RGS6: variants seen among roughly 807,000 people sequenced by gnomAD.
The protein encoded by RGS6 is regulator of G-protein signaling 6.
RGS6 carries 30 observed loss-of-function variants against 78.5 expected under a neutral mutation model. The observed-to-expected ratio is 0.38, with a 90% CI of 0.29 to 0.52. The LOEUF is 0.52. RGS6 is among the 20% of genes least tolerant of loss of function. RGS6 has a pLI of 0.85. For missense variants in RGS6, 495 were observed against 609.7 expected (o/e 0.81, Z 1.98); for synonymous variants, 206 against 206.0 (o/e 1.00, Z 0.00).
intron 2 of RGS6, among the ~76,000 whole-genome samples, chr14:72,311,184 C>A (rs2152460383): frequency 6.6e-6 from 1 of 152,326 alleles, no homozygotes; most frequent in Non-Finnish European, 1.5e-5. Flanking sequence ...AAAGGAAAGG[C>A]CCTTTGCTTC....
chr14:71,885,566 G>A, the RGS6 span, among the ~76,000 whole-genome samples: 480 of 152,324 alleles, frequency 3.2e-3, 4 homozygotes, highest in African/African-American at 0.011. Context: ...GTTCTCCTAG[G>A]ATGTGATGAG....
intron 15 of RGS6, among the ~76,000 whole-genome samples, chr14:72,520,694 G>C (rs1468279983): frequency 6.6e-6 from 1 of 152,144 alleles, no homozygotes; most frequent in East Asian, 1.9e-4. Flanking sequence ...CAAAATGAGT[G>C]GTTTGCTATT....
intron 2 of RGS6, among the ~76,000 whole-genome samples, chr14:72,336,940 C>G (rs574752159): frequency 6.6e-6 from 1 of 152,194 alleles, no homozygotes; most frequent in South Asian, 2.1e-4. Flanking sequence ...GGACATCAGT[C>G]ATTTTGGATT....
At chr14:72,479,823 A>G (rs1432051802) in intron 12 of RGS6, among the ~76,000 whole-genome samples, 1 of 152,190 alleles carries the variant, frequency 6.6e-6, no homozygotes, top group Admixed American at 6.5e-5. Flanking sequence ...TCTTGGTGTC[A>G]TCCATGGCCT....
intron 2 of RGS6, among the ~76,000 whole-genome samples, chr14:72,047,898 G>GTT (rs869098348): frequency 2.4e-3 from 72 of 29,632 alleles, no homozygotes; most frequent in Admixed American, 6.1e-3. Flanking sequence ...GCTAATTTTT[G>GTT]TTTTTTTTTT....
At chr14:72,248,557 A>G (rs1339615465) in intron 2 of RGS6, among the ~76,000 whole-genome samples, 1 of 152,232 alleles carries the variant, frequency 6.6e-6, no homozygotes, top group Non-Finnish European at 1.5e-5. Context: ...GTAAAGACCA[A>G]AAAGTTTGAG....
intron 3 of RGS6, among the ~76,000 whole-genome samples, chr14:72,440,291 G>C (rs1187345344): frequency 6.6e-6 from 1 of 152,124 alleles, no homozygotes; most frequent in Non-Finnish European, 1.5e-5. Flanking sequence ...CCTCCCCTGG[G>C]CTCTGCGCTC....
intron 2 of RGS6, among the ~76,000 whole-genome samples, chr14:72,094,233 T>C (rs2190632): frequency 0.22 from 33,008 of 152,240 alleles, 4,543 homozygotes; most frequent in East Asian, 0.38. Flanking sequence ...AGCTCTCATG[T>C]AGATGCTGTG....
chr14:72,470,586 G>A lies in RGS6; in HGVS notation c.536+503G>A, dbSNP rs1002371551. On this transcript the variant is annotated intron_variant, in intron 8 of 17. Transcript: ENST00000553525. ...TATCAGATTATTACATTAATTAAAA[G>A]CAAGAGTAAGGCTGGGCATGGTGGC... Among the ~76,000 whole-genome samples, 11 of 152,232 alleles carry A rather than the reference G, an allele frequency of 7.2e-5. No homozygotes were observed. In the South Asian group the frequency reaches 1.2e-3, roughly 17 times the overall value.
chr14:72,595,737 G>T, the RGS6 span, among the ~76,000 whole-genome samples: 1 of 152,164 alleles, frequency 6.6e-6, no homozygotes, highest in Non-Finnish European at 1.5e-5. Flanking sequence ...TTCTTTAAAG[G>T]TTACTCTGGT....
chr14:72,204,104 A>C (rs2042197495), intron 2 of RGS6, among the ~76,000 whole-genome samples: 2 of 152,100 alleles, frequency 1.3e-5, no homozygotes, highest in South Asian at 2.1e-4. Context: ...GGTTACAGGC[A>C]TGAGCCACCA....
chr14:72,395,973 A>T (rs1004863570), intron 3 of RGS6, among the ~76,000 whole-genome samples: 16 of 152,122 alleles, frequency 1.1e-4, no homozygotes, highest in African/African-American at 3.9e-4. Flanking sequence ...TGCTATTGTG[A>T]ATAGTGCCGC....
chr14:72,386,133 T>A (rs1294961001), intron 3 of RGS6, among the ~76,000 whole-genome samples: 1 of 152,122 alleles, frequency 6.6e-6, no homozygotes, highest in Non-Finnish European at 1.5e-5. Context: ...AGGTTGAATG[T>A]CTTCTGTGTC....
At chr14:72,567,540 C>T (rs1451795712), downstream of RGS6, among the ~76,000 whole-genome samples, 1 of 152,196 alleles carries the variant, frequency 6.6e-6, no homozygotes, top group African/African-American at 2.4e-5. Context: ...ACACAAAAAG[C>T]TGTGCCGGTC....
rs191954843 is a variant in RGS6 at position 72,318,676 on chromosome 14, G to A, written c.85-33419G>A. Among the ~76,000 whole-genome samples the A allele has an allele frequency of 5.9e-5, 9 of 152,238 alleles. No individual in the cohort carries two copies. In the East Asian group the frequency reaches 7.8e-4, roughly 13 times the overall value. On this transcript the variant is annotated intron_variant, in intron 2 of 17. Coordinates refer to ENST00000553525, the MANE Select transcript of RGS6 (RefSeq NM_001204424.2). ...TTTTGACAAAGCAAGCAAAAAACAC[G>A]TCTCCAAAACTGGTACTTCAGAGCA...
intron 2 of RGS6, among the ~76,000 whole-genome samples, chr14:72,314,985 C>T (rs1007942105): frequency 1.4e-4 from 22 of 152,308 alleles, no homozygotes; most frequent in African/African-American, 4.6e-4. Flanking sequence ...GGATGGTGCC[C>T]GTCTGACCTT....
At chr14:72,458,796 C>G (rs1430680370) in intron 5 of RGS6, among the ~76,000 whole-genome samples, 1 of 152,174 alleles carries the variant, frequency 6.6e-6, no homozygotes. Context: ...CAGACAGGAC[C>G]TGGGGCTTAT....
intron 3 of RGS6, among the ~76,000 whole-genome samples, chr14:72,366,260 G>A (rs77436607): frequency 7.9e-4 from 120 of 152,268 alleles, no homozygotes; most frequent in African/African-American, 2.8e-3. Context: ...GGGATGAAGA[G>A]GGAGAAGGAA....
chr14:72,282,539 C>A (rs1436241069), intron 2 of RGS6, among the ~76,000 whole-genome samples: 1 of 152,172 alleles, frequency 6.6e-6, no homozygotes, highest in Admixed American at 6.5e-5. Context: ...AATGCTACTC[C>A]TGGTTTAAGA....
Sources: gnomAD v4.1 joint callset for allele counts (sites outside exome capture counted in the v4.1 genomes callset) on GRCh38, gnomAD v4.1.1 for gene constraint, MANE v1.5 for transcripts, NCBI Gene and HGNC (gene_info 2026-07-23, HGNC 2026-07-21) for gene names.